Variants in DLGAP2 observed in about 807,000 individuals in gnomAD.
DLGAP2 encodes DLG associated protein 2.
In DLGAP2, 26 loss-of-function variants were observed where a neutral mutation model predicts 100.3. The observed-to-expected ratio is 0.26, with a 90% CI of 0.19 to 0.36. The LOEUF (loss-of-function observed/expected upper bound fraction) is 0.36, where lower values mean the gene tolerates loss of function less well. Among genes scored for constraint, DLGAP2 ranks in the 10% least tolerant of loss-of-function variants. The pLI, the probability that DLGAP2 is intolerant of heterozygous loss-of-function variation, is 1.00. For synonymous variants in DLGAP2, 886 were observed against 630.1 expected, an observed-to-expected ratio of 1.41 and a Z score of -6.08; for missense variants, 1,858 against 1,453.2, an observed-to-expected ratio of 1.28 and a Z score of -4.53.
At chr8:1,600,496 C>G (rs373689072) in intron 6 of DLGAP2, among the ~76,000 whole-genome samples, 1 of 152,188 alleles carries the variant, frequency 6.6e-6, no homozygotes, top group East Asian at 1.9e-4. Context: ...CTCCCCGTCA[C>G]TTTCAGGTAC....
chr8:1,040,238 GTGGTCAGCTCGGTTTCCA>G (rs200710917), intron 2 of DLGAP2, among the ~76,000 whole-genome samples: 3,648 of 143,764 alleles, frequency 0.025, 115 homozygotes, highest in East Asian at 0.11. Context: ...CTCGGTTTCT[GTGGTCAGCTCGGTTTCCA>G]TGGTCAGCTC....
chr8:968,999 T>G (rs1409560547), intron 2 of DLGAP2, among the ~76,000 whole-genome samples: 2 of 152,178 alleles, frequency 1.3e-5, no homozygotes, highest in Non-Finnish European at 2.9e-5. Flanking sequence ...GCATAGTGTG[T>G]GGGTTCATCT....
intron 3 of DLGAP2, among the ~76,000 whole-genome samples, chr8:1,276,182 G>C (rs944335702): frequency 6.7e-6 from 1 of 149,206 alleles, no homozygotes; most frequent in Non-Finnish European, 1.5e-5. Context: ...TGCTCAAGGA[G>C]TTGCTCTCTC....
chr8:1,053,334 G>A (rs1802778384), intron 2 of DLGAP2, among the ~76,000 whole-genome samples: 1 of 152,004 alleles, frequency 6.6e-6, no homozygotes, highest in African/African-American at 2.4e-5. Context: ...AAGTTTGGGG[G>A]AACATAGAAT....
intron 2 of DLGAP2, among the ~76,000 whole-genome samples, chr8:912,592 T>C (rs570048423): frequency 1.8e-4 from 27 of 152,140 alleles, no homozygotes; most frequent in South Asian, 6.2e-4. Flanking sequence ...CTCCAGCTCA[T>C]TGGAGCCGGC....
intron 3 of DLGAP2, among the ~76,000 whole-genome samples, chr8:1,493,924 T>A (rs1181551234): frequency 1.3e-5 from 2 of 152,230 alleles, no homozygotes; most frequent in African/African-American, 2.4e-5. Context: ...AGGCCTGTAC[T>A]ATAAAAAGTG....
chr8:903,657 G>A (rs1798309221), intron 1 of DLGAP2, among the ~76,000 whole-genome samples: 1 of 152,114 alleles, frequency 6.6e-6, no homozygotes, highest in African/African-American at 2.4e-5. Context: ...GTGACTTGGT[G>A]AATGGCACGG....
chr8:1,076,625 G>T (rs1177353629), intron 2 of DLGAP2, among the ~76,000 whole-genome samples: 1 of 152,220 alleles, frequency 6.6e-6, no homozygotes, highest in Admixed American at 6.5e-5. Context: ...TTTGCGGTCT[G>T]TACGTCTCCT....
intron 6 of DLGAP2, among the ~76,000 whole-genome samples, chr8:1,610,384 A>T (rs1318325734): frequency 1.3e-5 from 2 of 151,678 alleles, no homozygotes; most frequent in Non-Finnish European, 2.9e-5. Context: ...GACGCATTCA[A>T]AGCAGTGTGT....
At chr8:1,352,780 G>C (rs918313750) in intron 3 of DLGAP2, among the ~76,000 whole-genome samples, 4 of 152,112 alleles carry the variant, frequency 2.6e-5, no homozygotes, top group Admixed American at 2.0e-4. Context: ...TACTTTTCCA[G>C]CCTTGGATGC....
intron 2 of DLGAP2, among the ~76,000 whole-genome samples, chr8:1,104,717 C>T (rs552405973): frequency 6.6e-5 from 10 of 152,244 alleles, no homozygotes; most frequent in African/African-American, 2.2e-4. Flanking sequence ...GTTGGGGTCC[C>T]GGGGCCCAGG....
intron 2 of DLGAP2, among the ~76,000 whole-genome samples, chr8:965,368 C>G (rs1799831209): frequency 1.2e-5 from 1 of 85,296 alleles, no homozygotes; most frequent in Non-Finnish European, 2.3e-5. Context: ...AGTCTGACCC[C>G]TGCGCTGTAC....
intron 2 of DLGAP2, among the ~76,000 whole-genome samples, chr8:1,256,431 C>T (rs1490263015): frequency 0.022 from 2,386 of 108,778 alleles, 197 homozygotes; most frequent in African/African-American, 0.082. Flanking sequence ...GGGCGCTGTG[C>T]GTCTGTCCTC....
chr8:769,342 T>C lies in DLGAP2; in HGVS notation c.18+31517T>C, dbSNP rs115023639. ...GCAGAAAAACGCTAACAAGAACTTG[T>C]TTAAAGGTGATTGTCAGTGTGGTCA... On this transcript the variant is annotated intron_variant, in intron 1 of 14. Coordinates refer to ENST00000637795, the MANE Select transcript of DLGAP2 (RefSeq NM_001346810.2). Among the ~76,000 whole-genome samples the C allele has an allele frequency of 1.4e-3, 210 of 151,990 alleles. 3 individuals carry two copies. The highest frequency in any genetic ancestry group is 4.9e-3 in the African/African-American group (204 of 41,464).
chr8:1,345,277 T>C (rs1801529215), intron 3 of DLGAP2, among the ~76,000 whole-genome samples: 1 of 77,960 alleles, frequency 1.3e-5, no homozygotes, highest in South Asian at 4.8e-4. Flanking sequence ...GTTTCTCTGC[T>C]TAAGATGGAG....
At chr8:900,632 T>G (rs576793809) in intron 1 of DLGAP2, among the ~76,000 whole-genome samples, 1 of 152,282 alleles carries the variant, frequency 6.6e-6, no homozygotes, top group Non-Finnish European at 1.5e-5. Flanking sequence ...ATCCCATGTT[T>G]ATGAGGCTAC....
intron 1 of DLGAP2, among the ~76,000 whole-genome samples, chr8:899,546 C>T (rs1332024635): frequency 6.6e-6 from 1 of 152,100 alleles, no homozygotes; most frequent in Admixed American, 6.6e-5. Context: ...GTGGCAGGCA[C>T]CTCATCTCTT....
At chr8:1,036,827 G>A (rs1387936925) in intron 2 of DLGAP2, among the ~76,000 whole-genome samples, 6 of 152,106 alleles carry the variant, frequency 3.9e-5, no homozygotes, top group Non-Finnish European at 2.9e-5. Context: ...CAGAATCCTG[G>A]GTGCCCTCAA....
chr8:1,411,416 C>A (rs1275184846), intron 3 of DLGAP2, among the ~76,000 whole-genome samples: 1 of 152,168 alleles, frequency 6.6e-6, no homozygotes, highest in African/African-American at 2.4e-5. Flanking sequence ...AGGACTTGAC[C>A]CCTGAGCCAG....
Sources: allele counts gnomAD v4.1 joint callset (sites outside exome capture counted in the v4.1 genomes callset), GRCh38; gene constraint gnomAD v4.1.1; transcripts MANE v1.5; gene names NCBI Gene and HGNC (gene_info 2026-07-23, HGNC 2026-07-21).